The following EPHB4 variants were observed in gnomAD, a reference collection of about 807,000 sequenced individuals.
The protein encoded by EPHB4 is EPH receptor B4, also known as ephrin type-B receptor 4.
Under a neutral mutation model 110.6 loss-of-function variants are expected in EPHB4, and 50 were observed. The observed-to-expected ratio is 0.45, with a 90% CI of 0.36 to 0.57. EPHB4 has a LOEUF of 0.57. Ranked by LOEUF, EPHB4 falls within the 20% of genes least tolerant of loss-of-function variation. The pLI is 0.00. For missense variants in EPHB4, 1,128 were observed against 1,382.1 expected (o/e 0.82, Z 2.91); for synonymous variants, 592 against 578.4 (o/e 1.02, Z -0.34).
At chr7:100,813,544 G>A in intron 10 of EPHB4, 108 bp downstream of exon 10, 8 of 1,203,312 alleles carry the variant, frequency 6.6e-6, no homozygotes, top group Admixed American at 2.0e-5. Context: ...TCGAACTCCT[G>A]ACCTCAAGTG....
At chr7:100,807,680 C>T (rs1227006236) in intron 12 of EPHB4, 100 bp from the exon 13 acceptor site, 11 of 1,294,984 alleles carry the variant, frequency 8.5e-6, no homozygotes, top group South Asian at 1.4e-5. Context: ...CTTGTTCTGT[C>T]GCCCAGGCTG....
intron 12 of EPHB4, among the ~76,000 whole-genome samples, chr7:100,809,047 C>T (rs977073177): frequency 2.0e-5 from 3 of 152,206 alleles, no homozygotes; most frequent in Non-Finnish European, 4.4e-5. Flanking sequence ...CAACAGGCTT[C>T]TGCTGCAGGC....
chr7:100,816,858 C>T (rs1469041650), intron 8 of EPHB4, among the ~76,000 whole-genome samples: 9 of 151,748 alleles, frequency 5.9e-5, no homozygotes, highest in Admixed American at 2.0e-4. Context: ...CCGAGGCGGG[C>T]GAATCACAAG....
intron 5 of EPHB4, 70 bp downstream of exon 5, chr7:100,820,071 C>T (rs1191267950): frequency 6.4e-7 from 1 of 1,567,808 alleles, no homozygotes; most frequent in East Asian, 2.3e-5. Context: ...GGATGGGGGC[C>T]ATGTGAGGGT....
chr7:100,804,405 C>G (rs983117266), intron 16 of EPHB4, among the ~76,000 whole-genome samples: 1 of 148,812 alleles, frequency 6.7e-6, no homozygotes. Flanking sequence ...ACCTCCACCT[C>G]CCGGGTTCAA....
intron 1 of EPHB4, chr7:100,824,787 C>T (rs1347008985): frequency 1.2e-5 from 2 of 160,166 alleles, no homozygotes; most frequent in Non-Finnish European, 2.7e-5. Flanking sequence ...CGCTCCGTGC[C>T]TGGGGCATAG....
intron 10 of EPHB4, chr7:100,813,434 G>A (rs1812994004): frequency 4.6e-6 from 3 of 654,520 alleles, no homozygotes; most frequent in Non-Finnish European, 7.8e-6. Flanking sequence ...TTCTGCCTCA[G>A]CCTCCTGAGT....
Position 100,822,580 on chromosome 7 carries a change from C to T in EPHB4, c.499G>A (p.Gly167Arg). The change falls in exon 4 of 17, where the codon GGA becomes AGA. Residue 167 changes from glycine to arginine, a missense_variant. Physicochemically the swap from Gly to Arg is moderately radical, Grantham distance 125. Coordinates refer to ENST00000358173, the MANE Select transcript of EPHB4 (RefSeq NM_004444.5). The surrounding 1 kb of genome is among the most constrained non-coding windows in gnomAD (Gnocchi z 4.7). ...TAGAAGCCAGCCTTGCTGAGCGGTC[C>T]CAGACGCAGCGTCTTGACATTCACC... is the stretch of plus-strand genomic sequence containing the variant. ...GKVNVKTLRL[G>R]PLSKAGFYLA... 1 of 1,612,516 alleles carries T rather than the reference C, an allele frequency of 6.2e-7. No homozygotes were observed. Among genetic ancestry groups the T allele is most frequent in the Non-Finnish European group, 8.5e-7 (1 of 1,179,526 alleles).
At chr7:100,815,314 C>A (rs1253837711) in intron 8 of EPHB4, among the ~76,000 whole-genome samples, 1 of 152,050 alleles carries the variant, frequency 6.6e-6, no homozygotes, top group Non-Finnish European at 1.5e-5. Context: ...CAGAGCGAGA[C>A]CCTGTTTCCA....
intron 15 of EPHB4, 36 bp downstream of exon 15, chr7:100,805,464 AG>A (rs763444841): frequency 6.5e-6 from 10 of 1,531,892 alleles, no homozygotes; most frequent in Non-Finnish European, 7.0e-6. Flanking sequence ...GTGGGGGCAG[AG>A]AGCGGGAAGG....
intron 8 of EPHB4, 39 bp from the exon 9 acceptor site, chr7:100,814,060 G>A (rs759772084): frequency 2.5e-6 from 4 of 1,605,520 alleles, no homozygotes; most frequent in Non-Finnish European, 2.6e-6. Context: ...GAAACTGATG[G>A]TCCTGTAGGA....
At position 100,819,871 on chromosome 7, in the gene EPHB4, C is replaced by T. The variant is rs1463123787; in HGVS notation, c.983G>A (p.Arg328Gln). 6.5e-7 allele frequency: 1 copy of T among 1,546,698 alleles called. No homozygotes were observed. The highest frequency in any genetic ancestry group is 2.4e-5 in the East Asian group (1 of 40,842). The change falls in exon 6 of 17, where the codon CGG becomes CAG. Residue 328 changes from arginine (R) to glutamine (Q), a missense_variant. Physicochemically the swap from Arg to Gln is conservative, Grantham distance 43. Around this residue, in one of 3 missense-constraint regions of EPHB4, gnomAD observed 728 missense variants for 828.6 expected, o/e 0.88. Coordinates refer to ENST00000358173, the MANE Select transcript of EPHB4 (RefSeq NM_004444.5). ...GCCGTTCAGGCGGGAAACCACGCTC[C>T]GCGGAGCCGAAGGAGGGGCTGCAGG... ...APCTTPPSAP[R>Q]SVVSRLNGSS...
chr7:100,812,574 G>A (rs1812961074), intron 12 of EPHB4, among the ~76,000 whole-genome samples, 173 bp downstream of exon 12: 1 of 152,178 alleles, frequency 6.6e-6, no homozygotes, highest in African/African-American at 2.4e-5. Flanking sequence ...GGGCGACAGA[G>A]CGAGGCTCTG....
At position 100,822,235 on chromosome 7, in the gene EPHB4, A is replaced by C. The variant is rs1377710372; in HGVS notation, c.808+36T>G. On this transcript the variant is annotated intron_variant, in intron 4 of 16. Coordinates refer to ENST00000358173, the MANE Select transcript of EPHB4 (RefSeq NM_004444.5). This position sits in a 1 kb window ranked among gnomAD's most constrained non-coding sequence, Gnocchi z 4.7. ...AGTGGAGTTCAGGACTCTCCCCCGG[A>C]TGAGCAGCAGTCGCAGGGGAAGCTC... The C allele has an allele frequency of 6.5e-7, 1 of 1,539,328 alleles. No homozygotes were observed. Among genetic ancestry groups the C allele is most frequent in the South Asian group, 1.2e-5 (1 of 83,132 alleles).
chr7:100,823,934 G>C lies in EPHB4; in HGVS notation c.124-3C>G. 1.3e-6 allele frequency: 2 copies of C among 1,575,006 alleles called. No individual in the cohort carries two copies. Among genetic ancestry groups the C allele is most frequent in the Non-Finnish European group, 1.7e-6 (2 of 1,159,064 alleles). ...TCCAGGCCGCTCAGTTCCTCCCACT[G>C]TGCAGAGAAGGAGGTCAGCAAGGGG... On this transcript the variant is annotated splice_polypyrimidine_tract_variant and splice_region_variant and intron_variant, in intron 2 of 16. Coordinates refer to ENST00000358173, the MANE Select transcript of EPHB4 (RefSeq NM_004444.5).
Position 100,803,283 on chromosome 7 carries a change from G to C in EPHB4, c.*178C>G. ...GAGTTCCCCGAGGTGGCTGGGGGGT[G>C]ATTTTCCCCTCCTATTATGGCAGAA... On this transcript the variant is annotated 3_prime_UTR_variant, in exon 17 of 17. Transcript: ENST00000358173. 1 of 746,450 alleles carries C rather than the reference G, an allele frequency of 1.3e-6. No homozygotes were observed. Among genetic ancestry groups the C allele is most frequent in the Non-Finnish European group, 1.9e-6 (1 of 517,586 alleles). 46.2% of individuals were successfully genotyped at this position (746,450 alleles called of 1,614,324 possible).
Position 100,819,718 on chromosome 7 carries a change from A to G in EPHB4, c.1136T>C (p.Phe379Ser). 1 of 1,613,046 alleles carries G rather than the reference A, an allele frequency of 6.2e-7. No homozygotes were observed. Residue 379 changes from phenylalanine (F) to serine (S), a missense_variant, in exon 6 of 17, where the codon TTT (phenylalanine) becomes TCT (serine). This residue lies in a region of EPHB4 where 728 missense variants were observed against 828.6 expected (regional missense o/e 0.88). Transcript: ENST00000358173. ...CACCAGGTCCCGGGGGCCGGGGTCAAAAGTCAGGTCTCCCCCGCAGGGCGC... is the reference window on the plus strand; with the variant it reads ...CACCAGGTCCCGGGGGCCGGGGTCAGAAGTCAGGTCTCCCCCGCAGGGCGC... ...SCAPCGGDLTFDPGPRDLVEP... is the reference protein window; with the variant it reads ...SCAPCGGDLTSDPGPRDLVEP...
chr7:100,815,631 T>C (rs1056188101), intron 8 of EPHB4, among the ~76,000 whole-genome samples: 43 of 152,144 alleles, frequency 2.8e-4, no homozygotes, highest in African/African-American at 1.0e-3. Context: ...AACAGGCAAA[T>C]TGTATGGCAG....
intron 1 of EPHB4, chr7:100,824,592 T>A (rs939308853): frequency 5.0e-5 from 16 of 322,624 alleles, no homozygotes; most frequent in Non-Finnish European, 8.2e-5. Flanking sequence ...AAATGAGAGC[T>A]GCGCCCTGGT....
Sources: gnomAD v4.1 joint callset for allele counts (sites outside exome capture counted in the v4.1 genomes callset) on GRCh38, gnomAD v4.1.1 for gene constraint, gnomAD v4.1.1 regional missense constraint, Gnocchi (gnomAD v3.1) non-coding constraint, MANE v1.5 for transcripts, NCBI Gene and HGNC (gene_info 2026-07-23, HGNC 2026-07-21) for gene names.